Variants in EDIL3 observed in about 807,000 individuals in gnomAD.
EDIL3 encodes EGF-like repeat and discoidin I-like domain-containing protein 3.
In EDIL3, 37 loss-of-function variants were observed where a neutral mutation model predicts 67.4. The ratio of observed to expected loss-of-function variants is 0.55; its 90% CI spans 0.42 to 0.72. The LOEUF (loss-of-function observed/expected upper bound fraction) is 0.72, where lower values mean the gene tolerates loss of function less well. Among genes scored for constraint, EDIL3 ranks in the 30% least tolerant of loss-of-function variants. EDIL3 has a pLI of 0.00. For synonymous variants in EDIL3, 195 were observed against 196.3 expected (o/e 0.99, Z 0.05); for missense variants, 527 against 586.3 (o/e 0.90, Z 1.04).
intron 9 of EDIL3, among the ~76,000 whole-genome samples, chr5:84,058,365 C>CACACACACACAA (rs762834889): frequency 1.6e-5 from 1 of 62,054 alleles, no homozygotes; most frequent in African/African-American, 1.4e-4. Flanking sequence ...GACACACAAA[C>CACACACACACAA]ACACACACAC....
chr5:84,007,013 G>C (rs1197189648), intron 9 of EDIL3, among the ~76,000 whole-genome samples: 1 of 151,882 alleles, frequency 6.6e-6, no homozygotes, highest in Non-Finnish European at 1.5e-5. Flanking sequence ...TTTTTGACAA[G>C]GCACCAAGAA....
In EDIL3 at chr5:84,236,911, T is replaced by A. The variant is rs537746614; in HGVS notation, c.197-7027A>T. The stretch of plus-strand genomic sequence containing the variant: ...AAGTTAATATAAATGATTTCTCAGA[T>A]TTATCCATTTTCAATAAAATTAATA... On this transcript the variant is annotated intron_variant, in intron 2 of 10. Coordinates refer to ENST00000296591, the MANE Select transcript of EDIL3 (RefSeq NM_005711.5). Among the ~76,000 whole-genome samples, 38 of 152,174 alleles carry A rather than the reference T, an allele frequency of 2.5e-4. 1 individual carries two copies. The South Asian group carries it at 7.7e-3, about 31-fold the overall frequency.
intron 1 of EDIL3, among the ~76,000 whole-genome samples, chr5:84,377,437 C>T (rs1033039635): frequency 6.6e-6 from 1 of 152,000 alleles, no homozygotes; most frequent in African/African-American, 2.4e-5. Context: ...AAATATTCTC[C>T]AATGTTTCCA....
At chr5:83,949,966 C>A (rs1744389333) in intron 10 of EDIL3, among the ~76,000 whole-genome samples, 1 of 151,796 alleles carries the variant, frequency 6.6e-6, no homozygotes, top group Non-Finnish European at 1.5e-5. Context: ...AAGGAGGAAA[C>A]TAAGGTTAGC....
At chr5:84,236,438 C>T (rs886732495) in intron 2 of EDIL3, among the ~76,000 whole-genome samples, 66 of 152,040 alleles carry the variant, frequency 4.3e-4, no homozygotes, top group African/African-American at 1.5e-3. Flanking sequence ...CTTAAATATC[C>T]TTTGTTTATT....
At chr5:84,068,808 T>A (rs1343414349) in intron 6 of EDIL3, among the ~76,000 whole-genome samples, 1 of 152,162 alleles carries the variant, frequency 6.6e-6, no homozygotes, top group Non-Finnish European at 1.5e-5. Context: ...GGAAAATAAT[T>A]CAATATAAGG....
intron 5 of EDIL3, among the ~76,000 whole-genome samples, chr5:84,132,351 TACATA>T (rs1747988181): frequency 1.6e-4 from 7 of 44,416 alleles, no homozygotes; most frequent in African/African-American, 6.4e-4. Context: ...ATATATTTTA[TACATA>T]ATATATATTA....
At chr5:84,323,204 A>G (rs1746684843) in intron 1 of EDIL3, among the ~76,000 whole-genome samples, 1 of 152,064 alleles carries the variant, frequency 6.6e-6, no homozygotes, top group African/African-American at 2.4e-5. Flanking sequence ...TTAATAGAGT[A>G]ATGCATTTAA....
At chr5:84,051,535 C>A (rs1274427012) in intron 9 of EDIL3, among the ~76,000 whole-genome samples, 3 of 152,126 alleles carry the variant, frequency 2.0e-5, no homozygotes, top group African/African-American at 7.2e-5. Context: ...AGTTCGAACC[C>A]ATTGCAAAGA....
At chr5:84,278,901 G>T (rs1284791997) in intron 1 of EDIL3, among the ~76,000 whole-genome samples, 1 of 152,088 alleles carries the variant, frequency 6.6e-6, no homozygotes, top group Non-Finnish European at 1.5e-5. Context: ...ACAAAGGAGA[G>T]TGTGGTATAA....
chr5:84,290,856 AAGATCCTAAG>A (rs1745900200), intron 1 of EDIL3, among the ~76,000 whole-genome samples: 2 of 152,140 alleles, frequency 1.3e-5, no homozygotes, highest in Admixed American at 6.5e-5. Flanking sequence ...AACCTAGCCA[AAGATCCTAAG>A]AGTGCAGAGG....
intron 9 of EDIL3, among the ~76,000 whole-genome samples, chr5:84,053,814 T>TACCTC (rs1746388070): frequency 6.6e-6 from 1 of 152,082 alleles, no homozygotes; most frequent in Non-Finnish European, 1.5e-5. Context: ...AGGCAAGAAT[T>TACCTC]AATAGCTTAC....
intron 1 of EDIL3, among the ~76,000 whole-genome samples, chr5:84,371,257 T>A (rs1463127123): frequency 2.0e-5 from 3 of 146,924 alleles, no homozygotes; most frequent in Non-Finnish European, 4.5e-5. Context: ...CAGTTTAAGC[T>A]GAGGGATGAG....
intron 3 of EDIL3, among the ~76,000 whole-genome samples, chr5:84,195,830 T>C (rs775750013): frequency 2.6e-5 from 4 of 151,982 alleles, no homozygotes; most frequent in Non-Finnish European, 5.9e-5. Context: ...TTGAAGAAGA[T>C]TTATGTCATA....
intron 4 of EDIL3, among the ~76,000 whole-genome samples, chr5:84,178,484 T>A (rs1748958365): frequency 6.6e-6 from 1 of 152,196 alleles, no homozygotes; most frequent in South Asian, 2.1e-4. Context: ...TATAGCTGCT[T>A]TCTCAATATA....
chr5:84,278,952 T>G (rs1420848766), intron 1 of EDIL3, among the ~76,000 whole-genome samples: 1 of 152,164 alleles, frequency 6.6e-6, no homozygotes, highest in African/African-American at 2.4e-5. Flanking sequence ...CAATATTTTT[T>G]CACCACCCCC....
At chr5:84,352,649 T>C (rs1244058887) in intron 1 of EDIL3, among the ~76,000 whole-genome samples, 1 of 151,632 alleles carries the variant, frequency 6.6e-6, no homozygotes, top group African/African-American at 2.4e-5. Context: ...GGTGGGAGGG[T>C]AGAAGGAGAG....
rs1213251120 is a variant in EDIL3 at position 84,106,848 on chromosome 5, A to T, written c.470-18T>A. The T allele has an allele frequency of 6.3e-7, 1 of 1,583,116 alleles. No individual in the cohort carries two copies. Among genetic ancestry groups the T allele is most frequent in the Non-Finnish European group, 8.6e-7 (1 of 1,168,340 alleles). On this transcript the variant is annotated intron_variant, in intron 5 of 10. Coordinates refer to ENST00000296591, the MANE Select transcript of EDIL3 (RefSeq NM_005711.5). ...TGAGCATTCTGGAAACAAAAACAGG[A>T]AAAAATATGAATGTATTAGAAACAA...
intron 1 of EDIL3, among the ~76,000 whole-genome samples, chr5:84,335,056 T>C (rs1325689313): frequency 6.6e-6 from 1 of 152,196 alleles, no homozygotes; most frequent in Non-Finnish European, 1.5e-5. Flanking sequence ...GCTTTACATA[T>C]GTTTTCATTA....
Sources: gnomAD v4.1 joint callset for allele counts (sites outside exome capture counted in the v4.1 genomes callset) on GRCh38, gnomAD v4.1.1 for gene constraint, MANE v1.5 for transcripts, NCBI Gene and HGNC (gene_info 2026-07-23, HGNC 2026-07-21) for gene names.